Variants in TXK observed in about 807,000 individuals in gnomAD.
TXK encodes the protein tyrosine-protein kinase TXK.
Under a neutral mutation model 81.0 loss-of-function variants are expected in TXK, and 60 were observed. That is an observed-to-expected ratio of 0.74 (90% CI 0.60 to 0.92). The LOEUF is 0.92. TXK is among the 40% of genes least tolerant of loss of function. The probability of loss-of-function intolerance (pLI) is 0.00; values close to 1 mark genes in which losing one functional copy is unlikely to be tolerated. For missense variants in TXK, 581 were observed against 638.3 expected (o/e 0.91, Z 0.97); for synonymous variants, 203 against 210.7 (o/e 0.96, Z 0.32).
chr4:48,125,211 CA>C lies in TXK; in HGVS notation c.16+8943del, dbSNP rs1209362973. ...AGTCAAACCCAGAGTCCATGAGCAT[CA>C]CAATAGGACTATCCTTGTGGATGAG... On this transcript the variant is annotated intron_variant, in intron 1 of 14. Transcript: ENST00000264316. Among the ~76,000 whole-genome samples the C allele has an allele frequency of 5.9e-5, 9 of 152,354 alleles. No homozygotes were observed. In the East Asian group the frequency reaches 1.2e-3, roughly 20 times the overall value.
At chr4:48,089,324 T>C (rs1272514643) in intron 9 of TXK, 1 of 154,080 alleles carries the variant, frequency 6.5e-6, no homozygotes, top group Admixed American at 6.4e-5. Context: ...TGAGAAGAAA[T>C]GTTTCTAGAT....
At position 48,112,304 on chromosome 4, in the gene TXK, T is replaced by C; in HGVS notation, c.380+3A>G. 1.4e-5 allele frequency: 23 copies of C among 1,613,970 alleles called. No individual in the cohort carries two copies. The highest frequency in any genetic ancestry group is 1.9e-5 in the Non-Finnish European group (22 of 1,179,830). ...TACTGACTAAGTCATGTAAGTGTCTTACCCCAAACGGTCTCTTGCCTTCCA... is the reference window on the plus strand; with the variant it reads ...TACTGACTAAGTCATGTAAGTGTCTCACCCCAAACGGTCTCTTGCCTTCCA... On this transcript the variant is annotated splice_donor_region_variant and intron_variant, in intron 4 of 14. Coordinates refer to ENST00000264316, the MANE Select transcript of TXK (RefSeq NM_003328.3).
intron 1 of TXK, among the ~76,000 whole-genome samples, chr4:48,130,428 C>T (rs560975507): frequency 6.6e-6 from 1 of 152,220 alleles, no homozygotes; most frequent in East Asian, 1.9e-4. Context: ...CATGGTGCCT[C>T]GGTTTCTCGT....
chr4:48,109,938 A>G (rs548986282), intron 5 of TXK, among the ~76,000 whole-genome samples: 1 of 152,330 alleles, frequency 6.6e-6, no homozygotes, highest in East Asian at 1.9e-4. Flanking sequence ...CTGAAAATCT[A>G]AATTTATAAA....
At chr4:48,069,034 T>G (rs536045649) in intron 14 of TXK, among the ~76,000 whole-genome samples, 1 of 152,246 alleles carries the variant, frequency 6.6e-6, no homozygotes, top group South Asian at 2.1e-4. Context: ...TATCAACTTT[T>G]GCACCTGACA....
At chr4:48,082,210 A>T (rs750229028) in intron 10 of TXK, among the ~76,000 whole-genome samples, 29 of 152,136 alleles carry the variant, frequency 1.9e-4, no homozygotes, top group Non-Finnish European at 3.2e-4. Flanking sequence ...ATCTGAATGG[A>T]CTCTTCCTCT....
At chr4:48,124,743 T>C (rs973489327) in intron 1 of TXK, among the ~76,000 whole-genome samples, 1 of 152,218 alleles carries the variant, frequency 6.6e-6, no homozygotes, top group Admixed American at 6.5e-5. Context: ...TCCAGACATA[T>C]ATTTTTAAAC....
chr4:48,103,675 A>C (rs1284143240), intron 6 of TXK, among the ~76,000 whole-genome samples: 1 of 152,232 alleles, frequency 6.6e-6, no homozygotes, highest in Non-Finnish European at 1.5e-5. Flanking sequence ...GTTTACTGAC[A>C]GTTGGAAATT....
intron 6 of TXK, among the ~76,000 whole-genome samples, chr4:48,100,757 C>G (rs1001130005): frequency 5.3e-5 from 8 of 152,078 alleles, no homozygotes; most frequent in African/African-American, 1.2e-4. Context: ...AGCATTGTTT[C>G]AACAGCAAAA....
At chr4:48,071,812 T>C (rs1716870865) in intron 13 of TXK, 138 bp from the exon 14 acceptor site, 1 of 929,882 alleles carries the variant, frequency 1.1e-6, no homozygotes, top group East Asian at 2.6e-5. Context: ...ACAGCGGTTC[T>C]GTCAAGGAAG....
intron 1 of TXK, among the ~76,000 whole-genome samples, chr4:48,121,924 G>A (rs1467223784): frequency 2.6e-5 from 4 of 151,898 alleles, no homozygotes; most frequent in African/African-American, 9.7e-5. Flanking sequence ...TGGTTAAAAT[G>A]GTAAATTTTT....
intron 4 of TXK, among the ~76,000 whole-genome samples, chr4:48,111,845 CT>C (rs1463929778): frequency 1.3e-5 from 2 of 152,160 alleles, no homozygotes; most frequent in Non-Finnish European, 2.9e-5. Context: ...ATCCCAGGGT[CT>C]TTTTTCTTTC....
intron 6 of TXK, among the ~76,000 whole-genome samples, chr4:48,101,708 C>A (rs1300719019): frequency 6.6e-6 from 1 of 150,784 alleles, no homozygotes; most frequent in Non-Finnish European, 1.5e-5. Flanking sequence ...TGATAAAGAC[C>A]CAGATGTGGA....
chr4:48,117,794 C>T (rs555549592), intron 1 of TXK, among the ~76,000 whole-genome samples: 3 of 152,308 alleles, frequency 2.0e-5, no homozygotes, highest in South Asian at 2.1e-4. Flanking sequence ...CCTACCTGAA[C>T]TTTGCAAGAT....
chr4:48,078,158 C>T (rs553762375), intron 11 of TXK, among the ~76,000 whole-genome samples: 104 of 152,276 alleles, frequency 6.8e-4, no homozygotes, highest in African/African-American at 2.3e-3. Context: ...TTAATCACTG[C>T]GTGGCATCTC....
intron 1 of TXK, among the ~76,000 whole-genome samples, chr4:48,126,409 T>C (rs1719092444): frequency 6.6e-6 from 1 of 152,236 alleles, no homozygotes; most frequent in Non-Finnish European, 1.5e-5. Context: ...ATTTATGTTA[T>C]TGAGGCTTCT....
Position 48,094,157 on chromosome 4 carries a change from G to C in TXK, c.629C>G (p.Ser210Ter). 6.2e-7 allele frequency: 1 copy of C among 1,613,826 alleles called. No homozygotes were observed. Residue 210 changes from serine to a stop codon, truncating the protein, a stop_gained, in exon 8 of 15, where the codon TCA (serine) becomes TGA (stop). Transcript: ENST00000264316. LOFTEE classifies it high-confidence loss of function. ...IKHYQIKKNDSGQWYVAERHA... is the reference protein window; with the variant it reads ...IKHYQIKKND ...TCTTTCAGCCACATACCACTGTCCT[G>C]AGTCATTCTTTTTTATCTGATAATG...
At chr4:48,100,127 G>A (rs1420856934) in intron 6 of TXK, among the ~76,000 whole-genome samples, 3 of 127,852 alleles carry the variant, frequency 2.3e-5, no homozygotes, top group East Asian at 4.3e-4. Context: ...AGCGGAGATC[G>A]CGCCACAGCA....
intron 6 of TXK, among the ~76,000 whole-genome samples, chr4:48,100,700 C>G (rs1007467572): frequency 6.6e-6 from 1 of 152,260 alleles, no homozygotes; most frequent in Non-Finnish European, 1.5e-5. Flanking sequence ...ATTTATCCTA[C>G]AAACCCATAT....
Sources: allele counts gnomAD v4.1 joint callset (sites outside exome capture counted in the v4.1 genomes callset), GRCh38; gene constraint gnomAD v4.1.1; transcripts MANE v1.5; gene names NCBI Gene and HGNC (gene_info 2026-07-23, HGNC 2026-07-21).